Variants in CEP128 observed in about 807,000 individuals in gnomAD.
CEP128 encodes centrosomal protein 128kDa.
Under a neutral mutation model 156.7 loss-of-function variants are expected in CEP128, and 132 were observed. The ratio of observed to expected loss-of-function variants is 0.84; its 90% CI spans 0.73 to 0.97. CEP128 has a LOEUF of 0.97. Ranked by LOEUF, CEP128 falls within the 50% of genes least tolerant of loss-of-function variation. CEP128 has a pLI of 0.00. For missense variants in CEP128, 1,252 were observed against 1,281.9 expected (o/e 0.98, Z 0.36); for synonymous variants, 469 against 448.9 (o/e 1.04, Z -0.57).
intron 13 of CEP128, chr14:80,830,034 C>T (rs1264218278): frequency 1.3e-5 from 5 of 381,606 alleles, no homozygotes; most frequent in Non-Finnish European, 2.4e-5. Context: ...ATCTATCCAA[C>T]ATACTTTCTT....
chr14:80,534,173 A>G (rs1889365828), intron 21 of CEP128, among the ~76,000 whole-genome samples: 1 of 152,032 alleles, frequency 6.6e-6, no homozygotes, highest in East Asian at 1.9e-4. Flanking sequence ...ATGTGAGTGT[A>G]CTTAAAACTG....
At chr14:80,686,081 T>C (rs1434004250) in intron 19 of CEP128, among the ~76,000 whole-genome samples, 5 of 152,044 alleles carry the variant, frequency 3.3e-5, no homozygotes, top group East Asian at 1.9e-4. Context: ...TCAAAAGAAA[T>C]TGCAACAAAA....
At position 80,497,378 on chromosome 14, in the gene CEP128, G is replaced by T; in HGVS notation, c.*101C>A. 1 of 726,642 alleles carries T rather than the reference G, an allele frequency of 1.4e-6. No homozygotes were observed. The highest frequency in any genetic ancestry group is 2.3e-6 in the Non-Finnish European group (1 of 431,686). 45.0% of individuals were successfully genotyped at this position (726,642 alleles called of 1,614,324 possible). ...TTGGCAATACCAAAGAGCCAAAGCT[G>T]CAGGTATGTCTGTTAGATAATCTGG... On this transcript the variant is annotated 3_prime_UTR_variant, in exon 25 of 25. Coordinates refer to ENST00000555265, the MANE Select transcript of CEP128 (RefSeq NM_152446.5).
chr14:80,738,261 G>A (rs975534932), intron 19 of CEP128, among the ~76,000 whole-genome samples: 14 of 152,114 alleles, frequency 9.2e-5, no homozygotes, highest in African/African-American at 1.4e-4. Context: ...GAGTCCCTCC[G>A]TTATTTCTGT....
chr14:80,764,605 G>A (rs961045872), intron 16 of CEP128, among the ~76,000 whole-genome samples: 5 of 152,004 alleles, frequency 3.3e-5, no homozygotes, highest in Non-Finnish European at 7.4e-5. Context: ...TGAAGTAAAA[G>A]CTGTAGGACT....
chr14:80,557,483 C>CA (rs1335010843), intron 21 of CEP128, among the ~76,000 whole-genome samples: 2 of 152,124 alleles, frequency 1.3e-5, no homozygotes, highest in African/African-American at 4.8e-5. Flanking sequence ...TCTTCAAACT[C>CA]AAAAATTACG....
intron 9 of CEP128, among the ~76,000 whole-genome samples, chr14:80,841,591 A>G (rs1886350932): frequency 6.6e-6 from 1 of 152,040 alleles, no homozygotes; most frequent in South Asian, 2.1e-4. Context: ...AAATAAATAT[A>G]TTACATATAT....
At chr14:80,749,898 A>G (rs1712230241) in intron 18 of CEP128, among the ~76,000 whole-genome samples, 2 of 152,212 alleles carry the variant, frequency 1.3e-5, no homozygotes, top group African/African-American at 4.8e-5. Context: ...AAATTAAACA[A>G]CTTTGGCAAA....
intron 13 of CEP128, among the ~76,000 whole-genome samples, chr14:80,795,712 C>T (rs1396678561): frequency 6.6e-6 from 1 of 152,146 alleles, no homozygotes; most frequent in Non-Finnish European, 1.5e-5. Flanking sequence ...CCATTTTTAC[C>T]TTTGGTTTTA....
intron 19 of CEP128, among the ~76,000 whole-genome samples, chr14:80,589,200 T>C (rs1215900929): frequency 1.3e-5 from 2 of 152,040 alleles, no homozygotes; most frequent in Non-Finnish European, 2.9e-5. Context: ...CTTCAGAGAA[T>C]AAGGCAGCCC....
chr14:80,507,283 G>T (rs1888022743), intron 23 of CEP128, among the ~76,000 whole-genome samples: 1 of 152,046 alleles, frequency 6.6e-6, no homozygotes, highest in South Asian at 2.1e-4. Flanking sequence ...TTAACCAAGG[G>T]ATTTTCAATT....
At position 80,784,970 on chromosome 14, in the gene CEP128, T is replaced by A; in HGVS notation, c.2136A>T (p.Glu712Asp). The A allele has an allele frequency of 6.2e-7, 1 of 1,614,158 alleles. No homozygotes were observed. Among genetic ancestry groups the A allele is most frequent in the Non-Finnish European group, 8.5e-7 (1 of 1,180,002 alleles). The change falls in exon 15 of 25, where the codon GAA becomes GAT. Residue 712 changes from glutamate (E) to aspartate (D), a missense_variant. Coordinates refer to ENST00000555265, the MANE Select transcript of CEP128 (RefSeq NM_152446.5). Reference sequence around the variant, plus strand: ...GCTTCATAAGCTCCTGGATATTCTGTTCGTGTTTTGTTTTCACACTCTGCA... The same window carrying A: ...GCTTCATAAGCTCCTGGATATTCTGATCGTGTTTTGTTTTCACACTCTGCA... ...SSLQSVKTKH[E>D]QNIQELMKHF...
chr14:80,510,126 A>G (rs1204611250), intron 23 of CEP128, among the ~76,000 whole-genome samples: 1 of 152,068 alleles, frequency 6.6e-6, no homozygotes, highest in Non-Finnish European at 1.5e-5. Flanking sequence ...TTCTACAAAA[A>G]TTTTTGGATA....
At chr14:80,781,319 T>C (rs900141614) in intron 15 of CEP128, among the ~76,000 whole-genome samples, 5 of 152,032 alleles carry the variant, frequency 3.3e-5, no homozygotes, top group Non-Finnish European at 5.9e-5. Flanking sequence ...TAGCTGGGCG[T>C]GGTGGTGCGC....
intron 14 of CEP128, among the ~76,000 whole-genome samples, chr14:80,789,193 A>G (rs186805405): frequency 2.0e-3 from 306 of 152,312 alleles, no homozygotes; most frequent in Non-Finnish European, 2.1e-3. Flanking sequence ...GTAGCTTTCA[A>G]TGAAGTCCAA....
chr14:80,601,083 A>G (rs1324412123), intron 19 of CEP128, among the ~76,000 whole-genome samples: 1 of 152,102 alleles, frequency 6.6e-6, no homozygotes, highest in Non-Finnish European at 1.5e-5. Context: ...AAAAAAAAAG[A>G]CAATACTATG....
intron 20 of CEP128, among the ~76,000 whole-genome samples, chr14:80,565,041 AG>A (rs1890854146): frequency 1.3e-5 from 2 of 152,146 alleles, no homozygotes; most frequent in African/African-American, 4.8e-5. Context: ...CCTGGGCAAA[AG>A]GAGTGAAACT....
intron 19 of CEP128, among the ~76,000 whole-genome samples, chr14:80,722,396 A>G (rs953791778): frequency 1.3e-5 from 2 of 152,160 alleles, no homozygotes; most frequent in Non-Finnish European, 1.5e-5. Flanking sequence ...CATTCTAAAA[A>G]TGCAATCAAC....
At chr14:80,794,452 T>C (rs1430856257) in intron 13 of CEP128, among the ~76,000 whole-genome samples, 1 of 152,202 alleles carries the variant, frequency 6.6e-6, no homozygotes, top group African/African-American at 2.4e-5. Flanking sequence ...GAGAACTGTG[T>C]ACTTGTGTGT....
Sources: gnomAD v4.1 joint callset for allele counts (sites outside exome capture counted in the v4.1 genomes callset) on GRCh38, gnomAD v4.1.1 for gene constraint, MANE v1.5 for transcripts, NCBI Gene and HGNC (gene_info 2026-07-23, HGNC 2026-07-21) for gene names.